SLC14A2: variants seen among roughly 807,000 people sequenced by gnomAD.
SLC14A2 encodes the protein urea transporter 2.
In SLC14A2, 91 loss-of-function variants were observed where a neutral mutation model predicts 104.6. That is an observed-to-expected ratio of 0.87 (90% confidence interval 0.73 to 1.04). The LOEUF is 1.04. SLC14A2 is among the 50% of genes least tolerant of loss of function. The probability of loss-of-function intolerance (pLI) is 0.00; values close to 1 mark genes in which losing one functional copy is unlikely to be tolerated. For synonymous variants in SLC14A2, 476 were observed against 466.4 expected (o/e 1.02, Z -0.27); for missense variants, 1,189 against 1,156.0 (o/e 1.03, Z -0.41).
intron 2 of SLC14A2, among the ~76,000 whole-genome samples, chr18:45,603,306 C>T (rs1212499163): frequency 6.6e-6 from 1 of 152,074 alleles, no homozygotes; most frequent in Non-Finnish European, 1.5e-5. Context: ...CTTCCTGTCT[C>T]TTGTTGGTCC....
chr18:45,650,880 C>G (rs1458715670), intron 10 of SLC14A2, among the ~76,000 whole-genome samples: 1 of 149,200 alleles, frequency 6.7e-6, no homozygotes, highest in African/African-American at 2.5e-5. Flanking sequence ...GCTGGCATTA[C>G]AGGCACCCAC....
chr18:45,494,915 T>TACACACACACAC lies in SLC14A2; in HGVS notation c.-35+11607_-35+11618dup, dbSNP rs58079608. Reference sequence around the variant, plus strand: ...AATCGGGTCATCACACACACACACATACACACACACACACACACACACACA... The same window carrying TACACACACACAC: ...AATCGGGTCATCACACACACACACATACACACACACACACACACACACACACACACACACACA... On this transcript the variant is annotated intron_variant, in intron 2 of 20. Transcript: ENST00000586448. Among the ~76,000 whole-genome samples the TACACACACACAC allele has an allele frequency of 1.6e-3, 240 of 148,742 alleles. 2 individuals carry two copies. The highest frequency in any genetic ancestry group is 3.0e-3 in the African/African-American group (121 of 40,242).
rs1817264754 is a variant in SLC14A2, at chr18:45,672,894, C to G, written c.2230-6C>G. The G allele has an allele frequency of 6.2e-7, 1 of 1,612,012 alleles. No individual in the cohort carries two copies. Among genetic ancestry groups the G allele is most frequent in the African/African-American group, 1.3e-5 (1 of 75,030 alleles). ...TAATGAGCATGTAATCCTGTTATGCCTACAGCTTTTGAGAGCCATCCCCGT... is the reference window on the plus strand; with the variant it reads ...TAATGAGCATGTAATCCTGTTATGCGTACAGCTTTTGAGAGCCATCCCCGT... On this transcript the variant is annotated splice_polypyrimidine_tract_variant and splice_region_variant and intron_variant, in intron 16 of 19. Transcript: ENST00000255226.
chr18:45,534,339 C>T (rs1188288083), intron 2 of SLC14A2, among the ~76,000 whole-genome samples: 2 of 152,026 alleles, frequency 1.3e-5, no homozygotes, highest in African/African-American at 4.8e-5. Context: ...AACTCTCAAG[C>T]ACCTAAATTT....
chr18:45,192,667 G>GTTTTGTTTTGT, the SLC14A2 span, among the ~76,000 whole-genome samples: 5 of 149,790 alleles, frequency 3.3e-5, no homozygotes, highest in African/African-American at 9.9e-5. Context: ...GTTTTGTTTT[G>GTTTTGTTTTGT]TTTTTTTGAG....
chr18:45,259,897 G>C (rs929964250), intron 1 of SLC14A2, among the ~76,000 whole-genome samples: 10 of 152,176 alleles, frequency 6.6e-5, no homozygotes, highest in Non-Finnish European at 7.3e-5. Flanking sequence ...TAACGGTAGA[G>C]CACAAAGCTT....
chr18:45,318,701 C>T (rs1014717187), intron 1 of SLC14A2, among the ~76,000 whole-genome samples: 3 of 151,778 alleles, frequency 2.0e-5, no homozygotes, highest in Non-Finnish European at 2.9e-5. Flanking sequence ...GCAGGAGAAT[C>T]TCTTGAACCC....
chr18:45,509,620 A>G (rs1202158504), intron 2 of SLC14A2, among the ~76,000 whole-genome samples: 2 of 152,192 alleles, frequency 1.3e-5, no homozygotes, highest in Non-Finnish European at 2.9e-5. Context: ...GGCAGAATGG[A>G]AAAGTTGAGA....
At chr18:45,349,579 T>G (rs1219971219) in intron 1 of SLC14A2, among the ~76,000 whole-genome samples, 1 of 152,162 alleles carries the variant, frequency 6.6e-6, no homozygotes, top group African/African-American at 2.4e-5. Context: ...ACAGCAACAG[T>G]GGTCCCCATG....
chr18:45,593,559 G>T (rs573950678), intron 2 of SLC14A2, among the ~76,000 whole-genome samples: 2 of 127,574 alleles, frequency 1.6e-5, no homozygotes, highest in Admixed American at 1.0e-4. Flanking sequence ...GCACGATCTC[G>T]GCTCACTGCA....
At chr18:45,491,067 G>T (rs1010081682) in intron 2 of SLC14A2, among the ~76,000 whole-genome samples, 1 of 152,108 alleles carries the variant, frequency 6.6e-6, no homozygotes. Flanking sequence ...TAAAAGTAAG[G>T]ATATACATAC....
intron 1 of SLC14A2, among the ~76,000 whole-genome samples, chr18:45,457,973 G>A (rs1341123976): frequency 2.0e-5 from 3 of 152,168 alleles, no homozygotes; most frequent in Admixed American, 6.5e-5. Context: ...GAGGTGACAG[G>A]GAAGCTGCAG....
At chr18:45,201,145 GA>G in the SLC14A2 span, among the ~76,000 whole-genome samples, 1 of 152,000 alleles carries the variant, frequency 6.6e-6, no homozygotes, top group South Asian at 2.1e-4. Context: ...AGACCACAGA[GA>G]AAAAGTGCTA....
intron 2 of SLC14A2, among the ~76,000 whole-genome samples, chr18:45,491,674 C>G (rs947765390): frequency 2.0e-5 from 3 of 152,144 alleles, no homozygotes; most frequent in African/African-American, 4.8e-5. Context: ...CCTCACCTTC[C>G]TCTGGTGGAA....
intron 1 of SLC14A2, among the ~76,000 whole-genome samples, chr18:45,386,666 C>T (rs896933443): frequency 1.2e-4 from 19 of 152,206 alleles, no homozygotes; most frequent in African/African-American, 3.9e-4. Flanking sequence ...TCCCTGCTTT[C>T]AGAATTAGAA....
At chr18:45,264,239 C>T (rs1354115375) in intron 1 of SLC14A2, among the ~76,000 whole-genome samples, 1 of 151,956 alleles carries the variant, frequency 6.6e-6, no homozygotes, top group African/African-American at 2.4e-5. Flanking sequence ...GTTTTTATTG[C>T]TCATTATTTA....
At chr18:45,254,749 T>C (rs2084458905) in intron 1 of SLC14A2, among the ~76,000 whole-genome samples, 1 of 152,080 alleles carries the variant, frequency 6.6e-6, no homozygotes, top group African/African-American at 2.4e-5. Flanking sequence ...CCGTAAGCCA[T>C]CCTCAGGGGC....
chr18:45,473,996 A>G (rs2087303572), intron 1 of SLC14A2, among the ~76,000 whole-genome samples: 1 of 152,202 alleles, frequency 6.6e-6, no homozygotes, highest in African/African-American at 2.4e-5. Context: ...CCCATTCAGT[A>G]TGATATTGGC....
intron 2 of SLC14A2, among the ~76,000 whole-genome samples, chr18:45,553,140 A>G (rs987568517): frequency 6.6e-6 from 1 of 152,160 alleles, no homozygotes; most frequent in Non-Finnish European, 1.5e-5. Flanking sequence ...TAACCTTACA[A>G]ACACTTCCCA....
Sources: allele counts gnomAD v4.1 joint callset (sites outside exome capture counted in the v4.1 genomes callset), GRCh38; gene constraint gnomAD v4.1.1; transcripts MANE v1.5; gene names NCBI Gene and HGNC (gene_info 2026-07-23, HGNC 2026-07-21).